GATAD2A: variants seen among roughly 807,000 people sequenced by gnomAD.
GATAD2A encodes the protein GATA zinc finger domain containing 2A.
In GATAD2A, 12 loss-of-function variants were observed where a neutral mutation model predicts 68.5. The observed-to-expected ratio is 0.18, with a 90% confidence interval of 0.11 to 0.28. The LOEUF (loss-of-function observed/expected upper bound fraction) is 0.28, where lower values mean the gene tolerates loss of function less well. Among genes scored for constraint, GATAD2A ranks in the 10% least tolerant of loss-of-function variants. GATAD2A has a pLI of 1.00. For missense variants in GATAD2A, 755 were observed against 868.5 expected (o/e 0.87, Z 1.64); for synonymous variants, 410 against 375.3 (o/e 1.09, Z -1.07).
chr19:19,457,493 C>T (rs1243176454), intron 1 of GATAD2A, among the ~76,000 whole-genome samples: 1 of 152,184 alleles, frequency 6.6e-6, no homozygotes, highest in Non-Finnish European at 1.5e-5. Context: ...GTAATCCTAG[C>T]ACTTTGGGAG....
intron 1 of GATAD2A, among the ~76,000 whole-genome samples, chr19:19,406,384 G>T (rs981116450): frequency 6.7e-6 from 1 of 149,806 alleles, no homozygotes; most frequent in Non-Finnish European, 1.5e-5. Context: ...CGGCACGTGG[G>T]CGCGCGGGGC....
At chr19:19,421,050 C>T (rs1480364499) in intron 1 of GATAD2A, among the ~76,000 whole-genome samples, 3 of 152,218 alleles carry the variant, frequency 2.0e-5, no homozygotes, top group Non-Finnish European at 1.5e-5. Flanking sequence ...GTAACTTTCT[C>T]CGTTGAGGGT....
At chr19:19,417,669 C>T (rs1035356132) in intron 1 of GATAD2A, among the ~76,000 whole-genome samples, 2 of 152,124 alleles carry the variant, frequency 1.3e-5, no homozygotes, top group Admixed American at 6.6e-5. Flanking sequence ...TATGGAGAGC[C>T]CTCAGAGGTT....
chr19:19,406,278 C>T (rs967352310), intron 1 of GATAD2A, among the ~76,000 whole-genome samples: 11 of 151,686 alleles, frequency 7.3e-5, no homozygotes, highest in Non-Finnish European at 1.3e-4. Flanking sequence ...CGGCGTCGCC[C>T]CGCTTCCGTC....
At chr19:19,479,592 G>T (rs561299773) in intron 2 of GATAD2A, among the ~76,000 whole-genome samples, 2 of 152,326 alleles carry the variant, frequency 1.3e-5, no homozygotes, top group Non-Finnish European at 2.9e-5. Flanking sequence ...AGTGCATTGG[G>T]ATTTGTCAGA....
chr19:19,462,427 C>G (rs2057517357), intron 1 of GATAD2A, among the ~76,000 whole-genome samples: 1 of 152,358 alleles, frequency 6.6e-6, no homozygotes, highest in East Asian at 1.9e-4. Context: ...CCTGTCCTTC[C>G]TGAGGTGGGG....
intron 1 of GATAD2A, among the ~76,000 whole-genome samples, chr19:19,396,833 C>T (rs971077454): frequency 1.3e-5 from 2 of 151,916 alleles, no homozygotes; most frequent in African/African-American, 2.4e-5. Flanking sequence ...GTCAGCCTCC[C>T]GAGTAGCTGG....
At chr19:19,467,641 A>G (rs2099334) in intron 2 of GATAD2A, among the ~76,000 whole-genome samples, 65,598 of 151,920 alleles carry the variant, frequency 0.43, 15,568 homozygotes, top group African/African-American at 0.63. Context: ...CTATTTGGGT[A>G]TTTTTCAAAA....
At chr19:19,447,233 G>C (rs556031491) in intron 1 of GATAD2A, among the ~76,000 whole-genome samples, 1 of 152,294 alleles carries the variant, frequency 6.6e-6, no homozygotes, top group South Asian at 2.1e-4. Context: ...GGGGAGTGGA[G>C]ATGCAAAGGC....
At chr19:19,420,585 C>T (rs183668980) in intron 1 of GATAD2A, among the ~76,000 whole-genome samples, 8 of 151,888 alleles carry the variant, frequency 5.3e-5, no homozygotes, top group Admixed American at 5.3e-4. Context: ...CGTGATCCGC[C>T]CGCCTTGGCC....
At chr19:19,473,774 TAAAAAAAAAA>T (rs1192789940) in intron 2 of GATAD2A, among the ~76,000 whole-genome samples, 1 of 123,384 alleles carries the variant, frequency 8.1e-6, no homozygotes, top group South Asian at 2.6e-4. Context: ...CGTCTCTACT[TAAAAAAAAAA>T]AAAAAAAAAA....
chr19:19,412,407 G>A (rs2051066154), intron 1 of GATAD2A, among the ~76,000 whole-genome samples: 1 of 151,750 alleles, frequency 6.6e-6, no homozygotes, highest in African/African-American at 2.4e-5. Context: ...CACCTGCCTC[G>A]GCCTCCCAAA....
At chr19:19,420,276 G>A (rs1343153218) in intron 1 of GATAD2A, among the ~76,000 whole-genome samples, 1 of 143,946 alleles carries the variant, frequency 6.9e-6, no homozygotes, top group African/African-American at 2.6e-5. Flanking sequence ...GCCCGCCTCG[G>A]CCTCCCAAAG....
chr19:19,390,333 C>T (rs1052414635), intron 1 of GATAD2A, among the ~76,000 whole-genome samples: 32 of 151,996 alleles, frequency 2.1e-4, no homozygotes, highest in Non-Finnish European at 2.6e-4. Flanking sequence ...TGGAGGTGGA[C>T]AGCACAGCTC....
intron 8 of GATAD2A, among the ~76,000 whole-genome samples, chr19:19,499,488 A>G (rs2060376862): frequency 1.3e-5 from 2 of 151,804 alleles, no homozygotes. Flanking sequence ...TTCCCAGCAC[A>G]GACTTGGGAG....
intron 9 of GATAD2A, 43 bp from the exon 10 acceptor site, chr19:19,501,926 C>T: frequency 6.6e-7 from 1 of 1,518,068 alleles, no homozygotes; most frequent in Non-Finnish European, 9.1e-7. Flanking sequence ...CTGGGCCGGC[C>T]AGCGGACCGC....
intron 1 of GATAD2A, among the ~76,000 whole-genome samples, chr19:19,436,465 T>G (rs2054359839): frequency 6.6e-6 from 1 of 152,214 alleles, no homozygotes; most frequent in Non-Finnish European, 1.5e-5. Context: ...TAGGTCTAAA[T>G]AAGATGAGCC....
intron 1 of GATAD2A, among the ~76,000 whole-genome samples, chr19:19,420,211 C>T (rs568602290): frequency 5.9e-5 from 7 of 117,970 alleles, no homozygotes; most frequent in African/African-American, 1.6e-4. Flanking sequence ...TAAGTAGAGA[C>T]GGGGTTTCAC....
chr19:19,442,957 G>A lies in GATAD2A; in HGVS notation c.-6-22383G>A, dbSNP rs11879483. ...ACACTCCAGGAACGAGAGTGTGGGC[G>A]AGGGCAAGGTTCCCTCGCATGGCAG... On this transcript the variant is annotated intron_variant, in intron 1 of 11. Transcript: ENST00000683918. Among the ~76,000 whole-genome samples the A allele has an allele frequency of 7.5e-3, 1,142 of 152,098 alleles. 16 individuals carry two copies. The highest frequency in any genetic ancestry group is 0.025 in the African/African-American group (1,052 of 41,464).
Sources: allele counts gnomAD v4.1 joint callset (sites outside exome capture counted in the v4.1 genomes callset), GRCh38; gene constraint gnomAD v4.1.1; transcripts MANE v1.5; gene names NCBI Gene and HGNC (gene_info 2026-07-23, HGNC 2026-07-21).